Variants in LPP observed in about 807,000 individuals in gnomAD.
The protein encoded by LPP is lipoma-preferred partner.
In LPP, 38 loss-of-function variants were observed where a neutral mutation model predicts 60.4. The ratio of observed to expected loss-of-function variants is 0.63; its 90% CI spans 0.49 to 0.83. LPP has a LOEUF of 0.83. Among genes scored for constraint, LPP ranks in the 40% least tolerant of loss-of-function variants. The pLI is 0.00. For synonymous variants in LPP, 328 were observed against 290.8 expected (o/e 1.13, Z -1.30); for missense variants, 902 against 783.6 (o/e 1.15, Z -1.80).
intron 9 of LPP, among the ~76,000 whole-genome samples, chr3:188,777,809 A>G (rs1420391937): frequency 6.6e-6 from 1 of 152,186 alleles, no homozygotes; most frequent in Non-Finnish European, 1.5e-5. Context: ...ACAGATTTTT[A>G]TTTATACATT....
At chr3:188,547,765 A>T (rs1050944792) in intron 6 of LPP, among the ~76,000 whole-genome samples, 5 of 152,168 alleles carry the variant, frequency 3.3e-5, no homozygotes, top group Admixed American at 3.3e-4. Flanking sequence ...TTAGTACATC[A>T]GTTGTGTTCC....
intron 2 of LPP, among the ~76,000 whole-genome samples, chr3:188,311,953 T>G (rs1753603101): frequency 6.6e-6 from 1 of 152,140 alleles, no homozygotes; most frequent in African/African-American, 2.4e-5. Flanking sequence ...CAACATTTCT[T>G]TAAAGAAACT....
intron 8 of LPP, among the ~76,000 whole-genome samples, chr3:188,750,606 C>G (rs1304457547): frequency 1.3e-5 from 2 of 152,098 alleles, no homozygotes; most frequent in Non-Finnish European, 2.9e-5. Context: ...GCACTCCAAC[C>G]TGGGCAACCG....
chr3:188,190,060 T>G (rs1308035648), intron 1 of LPP, among the ~76,000 whole-genome samples: 1 of 151,166 alleles, frequency 6.6e-6, no homozygotes, highest in Non-Finnish European at 1.5e-5. Context: ...TGTGGATTTT[T>G]TTTTTTTTTT....
intron 9 of LPP, among the ~76,000 whole-genome samples, chr3:188,761,982 C>T (rs1469800785): frequency 2.0e-5 from 3 of 149,110 alleles, no homozygotes; most frequent in Non-Finnish European, 4.4e-5. Flanking sequence ...CCAGGGTTGT[C>T]CTTACACCAA....
chr3:188,181,559 G>A (rs956200867), intron 1 of LPP, among the ~76,000 whole-genome samples: 4 of 152,078 alleles, frequency 2.6e-5, no homozygotes, highest in South Asian at 2.1e-4. Context: ...TCTTGTTTCC[G>A]CTGCTGCTTC....
chr3:188,523,737 CTATTG>C (rs1008663644), intron 5 of LPP, among the ~76,000 whole-genome samples: 1 of 152,206 alleles, frequency 6.6e-6, no homozygotes, highest in African/African-American at 2.4e-5. Context: ...TAACTTTCCA[CTATTG>C]TATTGCCATT....
intron 3 of LPP, among the ~76,000 whole-genome samples, chr3:188,375,194 T>C (rs1774626218): frequency 6.6e-6 from 1 of 152,196 alleles, no homozygotes; most frequent in Non-Finnish European, 1.5e-5. Context: ...TCTGCCAGGC[T>C]TTGGTATCAG....
intron 5 of LPP, among the ~76,000 whole-genome samples, chr3:188,513,333 T>C (rs921097335): frequency 2.0e-5 from 3 of 152,218 alleles, no homozygotes; most frequent in African/African-American, 7.2e-5. Context: ...TTTAAACTAT[T>C]AATTTCTTAG....
At chr3:188,649,982 A>G (rs1180433369) in intron 7 of LPP, among the ~76,000 whole-genome samples, 1 of 152,156 alleles carries the variant, frequency 6.6e-6, no homozygotes. Context: ...TAATATTTAC[A>G]GCTAAAGCTA....
chr3:188,871,585 T>G (rs1413544466), intron 10 of LPP, among the ~76,000 whole-genome samples: 2 of 152,370 alleles, frequency 1.3e-5, no homozygotes, highest in Admixed American at 6.5e-5. Flanking sequence ...TATTTCTTTT[T>G]AAGTCTCACT....
At chr3:188,323,369 C>A (rs1226053823) in intron 2 of LPP, among the ~76,000 whole-genome samples, 2 of 152,126 alleles carry the variant, frequency 1.3e-5, no homozygotes, top group Admixed American at 6.6e-5. Context: ...CTAAACTAAC[C>A]TTTCTTACTT....
intron 6 of LPP, among the ~76,000 whole-genome samples, chr3:188,557,599 A>G (rs139791912): frequency 0.014 from 2,110 of 152,228 alleles, 25 homozygotes; most frequent in South Asian, 0.049. Flanking sequence ...TAAAGAAGCT[A>G]TATTTATACT....
At chr3:188,299,148 C>T (rs947236271) in intron 2 of LPP, among the ~76,000 whole-genome samples, 4 of 152,160 alleles carry the variant, frequency 2.6e-5, no homozygotes, top group African/African-American at 9.7e-5. Flanking sequence ...AGAAGGGAGG[C>T]CACTTTTCCT....
chr3:188,541,146 T>G (rs1825054110), intron 6 of LPP, among the ~76,000 whole-genome samples: 1 of 152,236 alleles, frequency 6.6e-6, no homozygotes, highest in South Asian at 2.1e-4. Flanking sequence ...ATGTAAGTTA[T>G]TCTTGTCACG....
intron 2 of LPP, among the ~76,000 whole-genome samples, chr3:188,270,566 C>T (rs539142734): frequency 6.6e-6 from 1 of 152,172 alleles, no homozygotes; most frequent in Non-Finnish European, 1.5e-5. Context: ...AGTTCTGTGA[C>T]CCAGGCATCA....
chr3:188,651,390 A>G (rs1411447026), intron 7 of LPP, among the ~76,000 whole-genome samples: 2 of 152,218 alleles, frequency 1.3e-5, no homozygotes. Context: ...AGATATCATA[A>G]AACAGTAGAA....
intron 6 of LPP, among the ~76,000 whole-genome samples, chr3:188,563,460 A>ATATGTGTGTGTGTGTGTGTG (rs373067080): frequency 0.064 from 9,029 of 141,824 alleles, 391 homozygotes; most frequent in Middle Eastern, 0.13. Context: ...TTACATATAT[A>ATATGTGTGTGTGTGTGTGTG]TGTGTGTGTG....
At chr3:188,408,786 C>T (rs1032371798) in intron 4 of LPP, among the ~76,000 whole-genome samples, 1 of 150,500 alleles carries the variant, frequency 6.6e-6, no homozygotes, top group Non-Finnish European at 1.5e-5. Flanking sequence ...GAAATGGAAG[C>T]TTAAAGGAGG....
Sources: gnomAD v4.1 joint callset for allele counts (sites outside exome capture counted in the v4.1 genomes callset) on GRCh38, gnomAD v4.1.1 for gene constraint, MANE v1.5 for transcripts, NCBI Gene and HGNC (gene_info 2026-07-23, HGNC 2026-07-21) for gene names.